Variants in PTGER3 observed in about 807,000 individuals in gnomAD.
PTGER3 encodes the protein prostaglandin E receptor 3.
In PTGER3, 22 loss-of-function variants were observed where a neutral mutation model predicts 34.7. That is an observed-to-expected ratio of 0.63 (90% CI 0.45 to 0.91). The LOEUF is 0.91. Among genes scored for constraint, PTGER3 ranks in the 40% least tolerant of loss-of-function variants. PTGER3 has a pLI of 0.00. For synonymous variants in PTGER3, 241 were observed against 230.1 expected, an observed-to-expected ratio of 1.05 and a Z score of -0.43; for missense variants, 468 against 519.4, an observed-to-expected ratio of 0.90 and a Z score of 0.96.
rs1247839440 is a variant in PTGER3 at position 70,932,548 on chromosome 1, G to T, written c.*23+21215C>A. Among the ~76,000 whole-genome samples, 5 of 152,136 alleles carry T rather than the reference G, an allele frequency of 3.3e-5. No individual in the cohort carries two copies. The East Asian group carries it at 7.7e-4, about 23-fold the overall frequency. ...AGAATCATGACAGGAGGTGAAATGT[G>T]CTTCTTACATGGTGGCGGCAAGAGA... On this transcript the variant is annotated intron_variant, in intron 4 of 4. Coordinates refer to the PTGER3 transcript ENST00000370931.
chr1:71,029,926 AAATAAT>A (rs3044586), intron 1 of PTGER3, among the ~76,000 whole-genome samples: 65,295 of 143,890 alleles, frequency 0.45, 15,553 homozygotes, highest in Non-Finnish European at 0.53. Context: ...ACTCCATCTC[AAATAAT>A]AATAATAATA....
At chr1:71,039,329 G>T (rs1660086265) in intron 1 of PTGER3, among the ~76,000 whole-genome samples, 4 of 152,034 alleles carry the variant, frequency 2.6e-5, no homozygotes, top group South Asian at 2.1e-4. Flanking sequence ...TGCAGAGGAG[G>T]GATGGTGGCA....
chr1:71,041,659 C>A (rs1452351580), intron 1 of PTGER3, among the ~76,000 whole-genome samples: 1 of 152,162 alleles, frequency 6.6e-6, no homozygotes, highest in Non-Finnish European at 1.5e-5. Context: ...AGAAGCACAG[C>A]TGGCAGGAGT....
In PTGER3 at chr1:71,018,935, G is replaced by GATGTGCAATATAGAGATAATTGGAATT. The variant is rs1239698010; in HGVS notation, c.898-6478_898-6452dup. 2.6e-5 allele frequency among the ~76,000 whole-genome samples: 4 copies of GATGTGCAATATAGAGATAATTGGAATT among 152,262 alleles called. No homozygotes were observed. In the East Asian group the frequency reaches 7.7e-4, roughly 29 times the overall value. Reference sequence around the variant, plus strand: ...CATTAGCTTTCCCCAGAAATCATGAGATGTGCAATATAGAGATAATTGGAA... The same window carrying GATGTGCAATATAGAGATAATTGGAATT: ...CATTAGCTTTCCCCAGAAATCATGAGATGTGCAATATAGAGATAATTGGAATTATGTGCAATATAGAGATAATTGGAA... On this transcript the variant is annotated intron_variant, in intron 1 of 3. Coordinates refer to ENST00000306666, the MANE Select transcript of PTGER3 (RefSeq NM_198719.2).
intron 2 of PTGER3, among the ~76,000 whole-genome samples, chr1:70,962,250 C>A (rs1353243619): frequency 6.6e-6 from 1 of 152,138 alleles, no homozygotes; most frequent in Non-Finnish European, 1.5e-5. Context: ...TTGAGAGCAA[C>A]ATTTTAATTT....
At chr1:70,910,272 C>T (rs1390291392) in intron 4 of PTGER3, among the ~76,000 whole-genome samples, 2 of 152,244 alleles carry the variant, frequency 1.3e-5, no homozygotes, top group Non-Finnish European at 2.9e-5. Flanking sequence ...CACCCAGTTT[C>T]TGCCTAAAGC....
intron 1 of PTGER3, among the ~76,000 whole-genome samples, chr1:71,036,137 A>T (rs1303977230): frequency 6.6e-6 from 1 of 152,238 alleles, no homozygotes; most frequent in East Asian, 1.9e-4. Flanking sequence ...AGCTTTACAC[A>T]GGGGAAATTG....
At chr1:70,993,756 G>A (rs77892649) in intron 2 of PTGER3, among the ~76,000 whole-genome samples, 3,412 of 152,216 alleles carry the variant, frequency 0.022, 147 homozygotes, top group African/African-American at 0.078. Context: ...GAAGCTGAAT[G>A]CAAACCGAGT....
At chr1:70,989,292 G>T (rs764276312) in intron 2 of PTGER3, among the ~76,000 whole-genome samples, 1 of 152,172 alleles carries the variant, frequency 6.6e-6, no homozygotes, top group Non-Finnish European at 1.5e-5. Context: ...ACGCAGGGAA[G>T]TTGGGATAAT....
At chr1:70,976,331 C>T (rs1395731034) in intron 2 of PTGER3, among the ~76,000 whole-genome samples, 2 of 152,028 alleles carry the variant, frequency 1.3e-5, no homozygotes, top group Non-Finnish European at 2.9e-5. Context: ...CTAATGTAAA[C>T]TATGGACTTT....
intron 4 of PTGER3, among the ~76,000 whole-genome samples, chr1:70,853,429 T>A (rs182316745): frequency 1.3e-5 from 2 of 152,314 alleles, no homozygotes; most frequent in Admixed American, 1.3e-4. Context: ...GAGGAAGAAC[T>A]ATTCTAAATT....
At chr1:70,919,966 T>G (rs1647367792) in intron 4 of PTGER3, among the ~76,000 whole-genome samples, 1 of 152,200 alleles carries the variant, frequency 6.6e-6, no homozygotes, top group Non-Finnish European at 1.5e-5. Context: ...GTAAGATATC[T>G]TGCCAATTAT....
chr1:70,896,755 C>T (rs907342594), intron 4 of PTGER3, among the ~76,000 whole-genome samples: 8 of 152,186 alleles, frequency 5.3e-5, no homozygotes, highest in Non-Finnish European at 8.8e-5. Flanking sequence ...ATATTTTACA[C>T]TGCAACAGCT....
At chr1:70,928,764 C>T (rs2100485769) in intron 4 of PTGER3, among the ~76,000 whole-genome samples, 1 of 152,116 alleles carries the variant, frequency 6.6e-6, no homozygotes, top group African/African-American at 2.4e-5. Context: ...CTACAATTAG[C>T]ATTCATTACT....
chr1:70,996,133 C>T (rs1655917315), intron 2 of PTGER3, among the ~76,000 whole-genome samples: 1 of 152,148 alleles, frequency 6.6e-6, no homozygotes, highest in African/African-American at 2.4e-5. Flanking sequence ...TACAGTGGCA[C>T]ACTGAAATGA....
chr1:70,880,207 CT>C, intron 4 of PTGER3, among the ~76,000 whole-genome samples: 1 of 152,116 alleles, frequency 6.6e-6, no homozygotes, highest in East Asian at 1.9e-4. Context: ...CTCAAGTGTG[CT>C]TTTGTGGTGG....
intron 1 of PTGER3, among the ~76,000 whole-genome samples, chr1:71,023,766 C>A (rs975359658): frequency 1.3e-5 from 2 of 151,738 alleles, no homozygotes; most frequent in Admixed American, 1.3e-4. Context: ...CCACATTCCA[C>A]CACATTCACC....
chr1:70,988,644 A>G (rs1304419162), intron 2 of PTGER3, among the ~76,000 whole-genome samples: 1 of 152,208 alleles, frequency 6.6e-6, no homozygotes. Flanking sequence ...CCAATCTCTG[A>G]TAACCAGGAA....
At chr1:70,902,565 G>T (rs1329032183) in intron 4 of PTGER3, among the ~76,000 whole-genome samples, 1 of 152,224 alleles carries the variant, frequency 6.6e-6, no homozygotes, top group Admixed American at 6.5e-5. Context: ...AAATCTAACA[G>T]ATTTGGAGAG....
Sources: allele counts gnomAD v4.1 joint callset (sites outside exome capture counted in the v4.1 genomes callset), GRCh38; gene constraint gnomAD v4.1.1; transcripts MANE v1.5; gene names NCBI Gene and HGNC (gene_info 2026-07-23, HGNC 2026-07-21).